The following UNC13C variants were observed in gnomAD, a reference collection of about 807,000 sequenced individuals.
UNC13C encodes protein unc-13 homolog C.
Under a neutral mutation model 245.4 loss-of-function variants are expected in UNC13C, and 174 were observed. That is an observed-to-expected ratio of 0.71 (90% CI 0.63 to 0.80). The LOEUF (loss-of-function observed/expected upper bound fraction) is 0.80. Among genes scored for constraint, UNC13C ranks in the 30% least tolerant of loss-of-function variants. The pLI is 0.00. For missense variants in UNC13C, 2,829 were observed against 2,602.9 expected, an observed-to-expected ratio of 1.09 and a Z score of -1.89; for synonymous variants, 992 against 895.1, an observed-to-expected ratio of 1.11 and a Z score of -1.93.
chr15:54,203,528 G>A (rs199784799), intron 4 of UNC13C, among the ~76,000 whole-genome samples: 1 of 140,542 alleles, frequency 7.1e-6, no homozygotes, highest in Non-Finnish European at 1.5e-5. Flanking sequence ...ACATATATAT[G>A]TATATATATA....
intron 10 of UNC13C, among the ~76,000 whole-genome samples, chr15:54,293,513 C>T (rs969666854): frequency 6.6e-6 from 1 of 151,934 alleles, no homozygotes; most frequent in African/African-American, 2.4e-5. Context: ...ACACCCATTG[C>T]AATAAAATTA....
At chr15:54,376,842 G>T (rs1046068017) in intron 17 of UNC13C, among the ~76,000 whole-genome samples, 17 of 152,192 alleles carry the variant, frequency 1.1e-4, no homozygotes, top group Non-Finnish European at 2.5e-4. Context: ...AGAAAGACTT[G>T]CTGTTCACCC....
chr15:54,057,242 C>T (rs1897573491), intron 2 of UNC13C, among the ~76,000 whole-genome samples: 1 of 151,364 alleles, frequency 6.6e-6, no homozygotes, highest in Admixed American at 6.6e-5. Context: ...CACACATAGG[C>T]TCAAAATAAA....
chr15:54,135,269 G>T (rs564774719), intron 2 of UNC13C, among the ~76,000 whole-genome samples: 2 of 152,032 alleles, frequency 1.3e-5, no homozygotes, highest in Admixed American at 6.6e-5. Flanking sequence ...TCATTTTGCC[G>T]ATTGTTTCCT....
chr15:54,278,945 G>A (rs1352205693), intron 10 of UNC13C, among the ~76,000 whole-genome samples: 1 of 151,976 alleles, frequency 6.6e-6, no homozygotes, highest in Non-Finnish European at 1.5e-5. Context: ...TGATCAAATT[G>A]GGTTGTTTTA....
chr15:54,564,001 G>A (rs760346590), intron 29 of UNC13C, among the ~76,000 whole-genome samples: 2 of 151,980 alleles, frequency 1.3e-5, no homozygotes, highest in Non-Finnish European at 2.9e-5. Context: ...CTGTGTGAAA[G>A]GTTTTCATAA....
rs544436507 is a variant in UNC13C at position 54,106,571 on chromosome 15, GA to G, written c.2984-36439del. ...TTATTGCTCTTCTTTAGTTTCAGCA[GA>G]AAAAAAATTATCTCCCATCTTTTCT... On this transcript the variant is annotated intron_variant, in intron 2 of 32. Coordinates refer to ENST00000260323, the MANE Select transcript of UNC13C (RefSeq NM_001080534.3). 1.3e-4 allele frequency among the ~76,000 whole-genome samples: 20 copies of G among 152,034 alleles called. No homozygotes were observed. In the East Asian group the frequency reaches 3.1e-3, roughly 23 times the overall value.
chr15:54,001,946 T>C (rs189181227), intron 1 of UNC13C, among the ~76,000 whole-genome samples: 1 of 152,212 alleles, frequency 6.6e-6, no homozygotes, highest in Non-Finnish European at 1.5e-5. Context: ...ACTGATGTTA[T>C]CCCACTTGAA....
At chr15:54,226,570 A>C (rs10162881) in intron 4 of UNC13C, among the ~76,000 whole-genome samples, 2 of 152,114 alleles carry the variant, frequency 1.3e-5, no homozygotes, top group Non-Finnish European at 2.9e-5. Context: ...GCCCCAGCCA[A>C]CTGTGCTTGG....
the UNC13C span, among the ~76,000 whole-genome samples, chr15:53,903,103 T>C: frequency 6.6e-6 from 1 of 152,164 alleles, no homozygotes; most frequent in Non-Finnish European, 1.5e-5. Flanking sequence ...TAAAACATAT[T>C]CTCCAACACA....
chr15:54,376,759 A>G (rs1427390857), intron 17 of UNC13C, among the ~76,000 whole-genome samples: 1 of 152,236 alleles, frequency 6.6e-6, no homozygotes, highest in Non-Finnish European at 1.5e-5. Context: ...AACCCATTGA[A>G]AACCACATGA....
chr15:54,184,675 C>A (rs1358797840), intron 4 of UNC13C, among the ~76,000 whole-genome samples: 2 of 152,200 alleles, frequency 1.3e-5, no homozygotes, highest in African/African-American at 4.8e-5. Flanking sequence ...CATCGTTGGA[C>A]ATTTGGGTTG....
rs183952892 is a variant in UNC13C at position 54,012,754 on chromosome 15, G to A, written c.-150G>A. The A allele has an allele frequency of 7.0e-5, 45 of 643,284 alleles. No individual in the cohort carries two copies. In the Admixed American group the frequency reaches 1.0e-3, roughly 14 times the overall value. The allele number at this position is 643,284 out of a possible 1,614,324, so 39.8% of individuals were successfully genotyped here. On this transcript the variant is annotated 5_prime_UTR_variant, in exon 2 of 33. Transcript: ENST00000260323. The stretch of plus-strand genomic sequence containing the variant: ...TTGCTTCTGGTTTGCACAGGACAGC[G>A]ACAATGTGGCAGAGCCATGCCTGCC...
the UNC13C span, among the ~76,000 whole-genome samples, chr15:53,942,073 T>C: frequency 1.3e-5 from 2 of 152,230 alleles, no homozygotes; most frequent in Middle Eastern, 3.4e-3. Context: ...CAAAGGAACA[T>C]AAATTATTCT....
intron 2 of UNC13C, among the ~76,000 whole-genome samples, chr15:54,036,106 C>T (rs546632891): frequency 6.6e-6 from 1 of 152,300 alleles, no homozygotes; most frequent in East Asian, 1.9e-4. Flanking sequence ...TTGTCTCTGT[C>T]AGCCTTCAGT....
At position 54,014,311 on chromosome 15, in the gene UNC13C, A is replaced by C; in HGVS notation, c.1408A>C (p.Lys470Gln). The change falls in exon 2 of 33, where the codon AAG (lysine) becomes CAG (glutamine). Residue 470 changes from lysine to glutamine, a missense_variant. Lys to Gln is a moderately conservative substitution (Grantham distance 53). Coordinates refer to ENST00000260323, the MANE Select transcript of UNC13C (RefSeq NM_001080534.3). Reference protein sequence around the residue: ...LNRNSYAVLSKSELLTKGSTS... With the variant: ...LNRNSYAVLSQSELLTKGSTS... Reference sequence around the variant, plus strand: ...TAGAAACAGTTACGCTGTGCTTTCCAAGTCAGAGCTTCTAACAAAGGGAAG... The same window carrying C: ...TAGAAACAGTTACGCTGTGCTTTCCCAGTCAGAGCTTCTAACAAAGGGAAG... 1.2e-6 allele frequency: 2 copies of C among 1,613,940 alleles called. No individual in the cohort carries two copies. Among genetic ancestry groups the C allele is most frequent in the Non-Finnish European group, 1.7e-6 (2 of 1,179,846 alleles).
intron 4 of UNC13C, among the ~76,000 whole-genome samples, chr15:54,187,733 A>C (rs140674693): frequency 3.3e-5 from 5 of 152,224 alleles, no homozygotes; most frequent in Non-Finnish European, 7.4e-5. Flanking sequence ...TATACCTTTT[A>C]ATACTTTGAT....
chr15:54,358,897 T>G (rs1393536465), intron 17 of UNC13C, among the ~76,000 whole-genome samples: 3 of 152,086 alleles, frequency 2.0e-5, no homozygotes, highest in African/African-American at 7.2e-5. Flanking sequence ...GTTCCATAAC[T>G]TAGAGACAAA....
In UNC13C at chr15:54,549,352, G is replaced by A. The variant is rs959751225; in HGVS notation, c.5821-283G>A. On this transcript the variant is annotated intron_variant, in intron 27 of 32. Transcript: ENST00000260323. ...AAATGAATAAAAGTTAAAGATCACT[G>A]ATTTAATCCATATACTACATTAAAC... 7.2e-5 allele frequency among the ~76,000 whole-genome samples: 11 copies of A among 152,256 alleles called. No individual in the cohort carries two copies. In the Middle Eastern group the frequency reaches 0.01, roughly 141 times the overall value.
Sources: gnomAD v4.1 joint callset for allele counts (sites outside exome capture counted in the v4.1 genomes callset) on GRCh38, gnomAD v4.1.1 for gene constraint, MANE v1.5 for transcripts, NCBI Gene and HGNC (gene_info 2026-07-23, HGNC 2026-07-21) for gene names.